Variants in BACH2 observed in about 807,000 individuals in gnomAD.
BACH2 encodes BACH transcriptional regulator 2.
BACH2 carries 5 observed loss-of-function variants against 61.8 expected under a neutral mutation model. That is an observed-to-expected ratio of 0.08 (90% CI 0.04 to 0.17). The LOEUF (loss-of-function observed/expected upper bound fraction) is 0.17, where lower values mean the gene tolerates loss of function less well. BACH2 is among the 10% of genes least tolerant of loss of function. The pLI, the probability that BACH2 is intolerant of heterozygous loss-of-function variation, is 1.00. For synonymous variants in BACH2, 446 were observed against 440.1 expected (o/e 1.01, Z -0.17); for missense variants, 824 against 1,091.1 (o/e 0.76, Z 3.45).
chr6:90,143,407 C>T (rs1240163391), intron 4 of BACH2, among the ~76,000 whole-genome samples: 1 of 152,166 alleles, frequency 6.6e-6, no homozygotes, highest in Non-Finnish European at 1.5e-5. Context: ...GGGCAAGTTA[C>T]TTCCCTTCTC....
intron 4 of BACH2, among the ~76,000 whole-genome samples, chr6:90,142,421 T>C (rs1002380924): frequency 6.6e-6 from 1 of 152,350 alleles, no homozygotes; most frequent in East Asian, 1.9e-4. Flanking sequence ...CAAGTTTCTG[T>C]TGAATTTCAA....
intron 3 of BACH2, among the ~76,000 whole-genome samples, chr6:90,241,985 T>C (rs1247133598): frequency 6.6e-6 from 1 of 152,054 alleles, no homozygotes; most frequent in Non-Finnish European, 1.5e-5. Context: ...TTTAGGTTTA[T>C]AGAAAAACTA....
intron 5 of BACH2, among the ~76,000 whole-genome samples, chr6:90,034,871 G>A (rs1779187338): frequency 6.6e-6 from 1 of 152,056 alleles, no homozygotes; most frequent in Admixed American, 6.6e-5. Context: ...TTGATAATTA[G>A]CCTCTTATAT....
intron 8 of BACH2, among the ~76,000 whole-genome samples, chr6:89,935,704 G>C (rs186351206): frequency 7.3e-4 from 111 of 152,316 alleles, no homozygotes; most frequent in African/African-American, 2.6e-3. Context: ...TATCTGCCTG[G>C]TCTGTGGCTT....
At chr6:90,207,586 C>A (rs1769193801) in intron 3 of BACH2, among the ~76,000 whole-genome samples, 1 of 152,008 alleles carries the variant, frequency 6.6e-6, no homozygotes, top group South Asian at 2.1e-4. Context: ...TTTTAAGTTG[C>A]ATCTAGGAGG....
chr6:90,147,038 A>G (rs1442843819), intron 4 of BACH2, among the ~76,000 whole-genome samples: 1 of 152,172 alleles, frequency 6.6e-6, no homozygotes, highest in Non-Finnish European at 1.5e-5. Flanking sequence ...TTTTTCCCGA[A>G]AGGGTAGAAT....
chr6:90,292,535 C>T (rs1318595862), intron 1 of BACH2, among the ~76,000 whole-genome samples: 9 of 152,176 alleles, frequency 5.9e-5, no homozygotes, highest in African/African-American at 1.7e-4. Flanking sequence ...CCTTTCATGT[C>T]GAATTCTCTG....
chr6:90,071,689 C>G (rs988300400), intron 5 of BACH2, among the ~76,000 whole-genome samples: 15 of 152,220 alleles, frequency 9.9e-5, no homozygotes, highest in African/African-American at 2.9e-4. Context: ...GGGCGCCGAT[C>G]CCCGACGCAG....
chr6:89,971,398 C>T (rs1462040164), intron 6 of BACH2, among the ~76,000 whole-genome samples: 7 of 152,160 alleles, frequency 4.6e-5, no homozygotes, highest in African/African-American at 9.7e-5. Flanking sequence ...ATACTGACCA[C>T]TTTGCATGGT....
chr6:90,103,269 G>C (rs911106066), intron 4 of BACH2, among the ~76,000 whole-genome samples: 2 of 151,562 alleles, frequency 1.3e-5, no homozygotes, highest in African/African-American at 4.9e-5. Context: ...TGACTAATTG[G>C]GGAGGTGTGG....
At chr6:90,069,092 C>T (rs1300134474) in intron 5 of BACH2, among the ~76,000 whole-genome samples, 1 of 152,146 alleles carries the variant, frequency 6.6e-6, no homozygotes, top group East Asian at 1.9e-4. Context: ...CCTGGGCATC[C>T]ACAGATGAAT....
intron 7 of BACH2, among the ~76,000 whole-genome samples, chr6:89,941,409 T>C (rs527300410): frequency 1.4e-4 from 22 of 152,322 alleles, no homozygotes; most frequent in African/African-American, 5.1e-4. Context: ...CTCTGTCCCA[T>C]GACACCTGTA....
intron 8 of BACH2, among the ~76,000 whole-genome samples, chr6:89,936,611 G>T (rs144497336): frequency 3.9e-5 from 6 of 152,278 alleles, no homozygotes; most frequent in African/African-American, 1.4e-4. Flanking sequence ...AACACAAATG[G>T]CAGGAGATAT....
At chr6:89,984,606 A>C (rs1244764889) in intron 6 of BACH2, among the ~76,000 whole-genome samples, 1 of 152,172 alleles carries the variant, frequency 6.6e-6, no homozygotes, top group Non-Finnish European at 1.5e-5. Context: ...TTCTATACAC[A>C]ATTTAGGATA....
At position 89,930,330 on chromosome 6, in the gene BACH2, A is replaced by AAAG. The variant is rs1271013157; in HGVS notation, c.*2075_*2077dup. 89 of 152,274 alleles carry AAAG rather than the reference A, an allele frequency of 5.8e-4. No homozygotes were observed. Among genetic ancestry groups the AAAG allele is most frequent in the African/African-American group, 2.0e-3 (84 of 41,374 alleles). 9.4% of individuals were successfully genotyped at this position (152,274 alleles called of 1,614,324 possible). A position where few individuals can be genotyped will look rare whatever the true frequency, so the allele number is the denominator to read the frequency against. Reference sequence around the variant, plus strand: ...TTTAGTGCTAATATTTGTACAGAAAAAAGTTAATAATACTAAAACATATGT... The same window carrying AAAG: ...TTTAGTGCTAATATTTGTACAGAAAAAAGAAGTTAATAATACTAAAACATATGT... On this transcript the variant is annotated 3_prime_UTR_variant, in exon 9 of 9. Coordinates refer to ENST00000257749, the MANE Select transcript of BACH2 (RefSeq NM_021813.4).
intron 1 of BACH2, among the ~76,000 whole-genome samples, chr6:90,286,986 G>A (rs1008596773): frequency 6.6e-6 from 1 of 152,154 alleles, no homozygotes; most frequent in African/African-American, 2.4e-5. Context: ...GCAGTTCCCC[G>A]CTAGACAGTG....
Position 89,938,290 on chromosome 6 carries a change from T to C in BACH2, c.1897A>G (p.Met633Val). Residue 633 changes from methionine (M) to valine (V), a missense_variant, in exon 8 of 9, where the codon ATG (methionine) becomes GTG (valine). By Grantham distance (21) the Met-to-Val change is conservative (BLOSUM62 1). Transcript: ENST00000257749. Reference sequence around the variant, plus strand: ...GAGGTTAGCTTGTGCATTTTAATCATCATCTGGAAATCGTTCCTTGGAAGA... The same window carrying C: ...GAGGTTAGCTTGTGCATTTTAATCACCATCTGGAAATCGTTCCTTGGAAGA... The part of the protein sequence containing the change: ...TDLPRNDFQM[M>V]IKMHKLTSEQ... 6.2e-7 allele frequency: 1 copy of C among 1,614,250 alleles called. No homozygotes were observed. The highest frequency in any genetic ancestry group is 1.1e-5 in the South Asian group (1 of 91,092).
intron 6 of BACH2, among the ~76,000 whole-genome samples, chr6:89,989,142 T>C (rs1053068247): frequency 6.6e-6 from 1 of 152,222 alleles, no homozygotes; most frequent in Non-Finnish European, 1.5e-5. Flanking sequence ...GAAGGCCCTG[T>C]ATGCTAAGAC....
At chr6:90,022,542 C>T (rs1041658624) in intron 5 of BACH2, among the ~76,000 whole-genome samples, 7 of 152,202 alleles carry the variant, frequency 4.6e-5, no homozygotes, top group African/African-American at 1.7e-4. Context: ...CAAGATCGTG[C>T]CACTGCACTC....
Sources: gnomAD v4.1 joint callset for allele counts (sites outside exome capture counted in the v4.1 genomes callset) on GRCh38, gnomAD v4.1.1 for gene constraint, MANE v1.5 for transcripts, NCBI Gene and HGNC (gene_info 2026-07-23, HGNC 2026-07-21) for gene names.